Variants in STPG2 observed in about 807,000 individuals in gnomAD.
The protein encoded by STPG2 is sperm-tail PG-rich repeat-containing protein 2.
A neutral mutation model predicts 54.2 loss-of-function variants in STPG2; 56 were observed. That is an observed-to-expected ratio of 1.03 (90% CI 0.83 to 1.29). The LOEUF (loss-of-function observed/expected upper bound fraction) is 1.29, where lower values mean the gene tolerates loss of function less well. STPG2 is among the 50% of genes most tolerant of loss of function. STPG2 has a pLI of 0.00. For missense variants in STPG2, 596 were observed against 544.9 expected (o/e 1.09, Z -0.93); for synonymous variants, 200 against 181.8 (o/e 1.10, Z -0.81).
chr4:97,585,116 A>AG (rs1257149701), intron 10 of STPG2, among the ~76,000 whole-genome samples: 1 of 148,188 alleles, frequency 6.7e-6, no homozygotes, highest in Non-Finnish European at 1.5e-5. Flanking sequence ...AAAAAAAAAA[A>AG]AAAAAAAACA....
chr4:97,765,083 T>C (rs1008818154), intron 9 of STPG2, among the ~76,000 whole-genome samples: 3 of 152,158 alleles, frequency 2.0e-5, no homozygotes, highest in Non-Finnish European at 4.4e-5. Flanking sequence ...AATTACCTGG[T>C]GTATAATACA....
chr4:97,565,900 AG>A (rs1352419806), intron 10 of STPG2, among the ~76,000 whole-genome samples: 1 of 152,158 alleles, frequency 6.6e-6, no homozygotes. Flanking sequence ...GACCCACTTG[AG>A]GAGGCAGTCT....
At chr4:97,896,793 A>G (rs1005865331) in intron 8 of STPG2, among the ~76,000 whole-genome samples, 3 of 151,832 alleles carry the variant, frequency 2.0e-5, no homozygotes, top group Non-Finnish European at 4.4e-5. Flanking sequence ...AAAAACTACA[A>G]AAAAAGATAT....
chr4:97,783,922 G>T (rs1726736974), intron 9 of STPG2, among the ~76,000 whole-genome samples: 1 of 151,958 alleles, frequency 6.6e-6, no homozygotes, highest in Admixed American at 6.6e-5. Context: ...CAGTCATGGG[G>T]TGGGGGGAGA....
intron 9 of STPG2, among the ~76,000 whole-genome samples, chr4:97,779,222 T>C (rs1002437838): frequency 6.6e-6 from 1 of 152,086 alleles, no homozygotes; most frequent in African/African-American, 2.4e-5. Context: ...ATAACCAGTG[T>C]AGAGAAGTCC....
intron 9 of STPG2, among the ~76,000 whole-genome samples, chr4:97,825,426 T>C (rs1342719873): frequency 6.6e-6 from 1 of 152,154 alleles, no homozygotes; most frequent in Non-Finnish European, 1.5e-5. Context: ...CTTCGACACC[T>C]AGAAGTTATG....
At chr4:97,618,010 A>C (rs1053565784) in intron 10 of STPG2, among the ~76,000 whole-genome samples, 1 of 152,174 alleles carries the variant, frequency 6.6e-6, no homozygotes, top group African/African-American at 2.4e-5. Context: ...AACCCTAAGG[A>C]ACTTCAGCAG....
At chr4:97,852,592 C>A (rs1424132546) in intron 8 of STPG2, among the ~76,000 whole-genome samples, 2 of 152,114 alleles carry the variant, frequency 1.3e-5, no homozygotes, top group Admixed American at 6.5e-5. Flanking sequence ...TAATGGTGGG[C>A]AGGATGATCC....
At chr4:97,719,231 G>T (rs1350954711) in intron 9 of STPG2, among the ~76,000 whole-genome samples, 1 of 151,860 alleles carries the variant, frequency 6.6e-6, no homozygotes, top group Non-Finnish European at 1.5e-5. Context: ...AGTACCTACA[G>T]CTCACAGGGT....
At chr4:97,697,814 T>C (rs1723631104) in intron 10 of STPG2, among the ~76,000 whole-genome samples, 1 of 152,170 alleles carries the variant, frequency 6.6e-6, no homozygotes, top group South Asian at 2.1e-4. Flanking sequence ...CCACAAGCAA[T>C]TGCATGAGTT....
intron 10 of STPG2, among the ~76,000 whole-genome samples, chr4:97,681,841 A>G (rs1723044410): frequency 6.6e-6 from 1 of 151,842 alleles, no homozygotes; most frequent in Admixed American, 6.6e-5. Context: ...ATGTAACAAT[A>G]CAATCACATA....
At chr4:97,902,212 G>T (rs1376876060) in intron 8 of STPG2, among the ~76,000 whole-genome samples, 1 of 152,012 alleles carries the variant, frequency 6.6e-6, no homozygotes. Context: ...GAAGAAAACA[G>T]AGGGGGAAAG....
At chr4:97,595,335 C>T (rs1417391434) in intron 10 of STPG2, among the ~76,000 whole-genome samples, 10 of 147,706 alleles carry the variant, frequency 6.8e-5, no homozygotes, top group Non-Finnish European at 1.0e-4. Flanking sequence ...TCATTCTCAG[C>T]GAACTATCGC....
chr4:98,122,177 T>C (rs973837237), intron 3 of STPG2, among the ~76,000 whole-genome samples: 3 of 152,240 alleles, frequency 2.0e-5, no homozygotes, highest in African/African-American at 4.8e-5. Flanking sequence ...TCTTCTTATT[T>C]GAATAAACTT....
chr4:97,534,342 A>G (rs1488444829), intron 4 of STPG2, among the ~76,000 whole-genome samples: 1 of 152,070 alleles, frequency 6.6e-6, no homozygotes, highest in African/African-American at 2.4e-5. Flanking sequence ...AAGTCTGGAG[A>G]AATCTTACCC....
intron 8 of STPG2, among the ~76,000 whole-genome samples, chr4:97,853,218 G>A (rs1382692188): frequency 6.6e-6 from 1 of 151,602 alleles, no homozygotes; most frequent in Non-Finnish European, 1.5e-5. Context: ...CGCCCACCTT[G>A]GCCTCCCAAA....
intron 10 of STPG2, among the ~76,000 whole-genome samples, chr4:97,643,502 T>G (rs1721821594): frequency 6.6e-6 from 1 of 151,742 alleles, no homozygotes; most frequent in Non-Finnish European, 1.5e-5. Context: ...AACAATAGTT[T>G]TATTTCATTT....
intron 5 of STPG2, among the ~76,000 whole-genome samples, chr4:98,012,365 G>C (rs945272894): frequency 1.3e-5 from 2 of 152,160 alleles, no homozygotes; most frequent in African/African-American, 4.8e-5. Context: ...TTGCAGTATA[G>C]TGTGAAGTCA....
intron 10 of STPG2, among the ~76,000 whole-genome samples, chr4:97,664,527 C>G (rs1254876032): frequency 6.6e-6 from 1 of 152,142 alleles, no homozygotes; most frequent in Admixed American, 6.5e-5. Context: ...CAATGGACTA[C>G]CCATCTCAGT....
Sources: allele counts gnomAD v4.1 joint callset (sites outside exome capture counted in the v4.1 genomes callset), GRCh38; gene constraint gnomAD v4.1.1; transcripts MANE v1.5; gene names NCBI Gene and HGNC (gene_info 2026-07-23, HGNC 2026-07-21).